KCNQ1: variants seen among roughly 807,000 people sequenced by gnomAD.
KCNQ1 encodes potassium voltage-gated channel subfamily Q member 1.
A neutral mutation model predicts 72.4 loss-of-function variants in KCNQ1; 49 were observed. That is an observed-to-expected ratio of 0.68 (90% CI 0.54 to 0.86). The LOEUF (loss-of-function observed/expected upper bound fraction) is 0.86, where lower values mean the gene tolerates loss of function less well. Among genes scored for constraint, KCNQ1 ranks in the 40% least tolerant of loss-of-function variants. The pLI is 0.00. For missense variants in KCNQ1, 790 were observed against 945.1 expected, an observed-to-expected ratio of 0.84 and a Z score of 2.15; for synonymous variants, 450 against 412.6, an observed-to-expected ratio of 1.09 and a Z score of -1.10.
chr11:2,761,239 G>A (rs911634846), intron 11 of KCNQ1, among the ~76,000 whole-genome samples: 1 of 151,906 alleles, frequency 6.6e-6, no homozygotes, highest in Admixed American at 6.6e-5. Context: ...ACCCTTCATC[G>A]TTCCTCCGGT....
At chr11:2,778,118 C>A (rs1187742728) in intron 15 of KCNQ1, 81 bp downstream of exon 15, 2 of 1,364,214 alleles carry the variant, frequency 1.5e-6, no homozygotes, top group Non-Finnish European at 1.0e-6. Context: ...TGCGTGTGAA[C>A]GTGAAGCTCC....
At chr11:2,604,052 A>T (rs2133780585) in intron 10 of KCNQ1, among the ~76,000 whole-genome samples, 1 of 152,270 alleles carries the variant, frequency 6.6e-6, no homozygotes, top group East Asian at 1.9e-4. Context: ...ATGAATAAAC[A>T]TTTTGTTTAT....
chr11:2,661,973 C>G lies in KCNQ1; in HGVS notation c.1406C>G (p.Pro469Arg). The part of the protein sequence containing the change: ...DGYDSSVRKS[P>R]TLLEVSMPHF... ...ACTTTCTCCTCAGTAAGGAAGAGCC[C>G]AACACTGCTGGAAGTGAGCATGCCC... is the stretch of plus-strand genomic sequence containing the variant. Residue 469 changes from proline (P) to arginine (R), a missense_variant, in exon 11 of 16, where the codon CCA becomes CGA. Transcript: ENST00000155840. The surrounding 1 kb of genome is among the most constrained non-coding windows in gnomAD (Gnocchi z 5.9). The G allele has an allele frequency of 6.2e-7, 1 of 1,614,192 alleles. No individual in the cohort carries two copies. Among genetic ancestry groups the G allele is most frequent in the Non-Finnish European group, 8.5e-7 (1 of 1,180,040 alleles).
intron 11 of KCNQ1, among the ~76,000 whole-genome samples, chr11:2,742,705 A>T (rs1462063370): frequency 6.6e-6 from 1 of 152,140 alleles, no homozygotes; most frequent in Non-Finnish European, 1.5e-5. Flanking sequence ...CCTCGGAGAG[A>T]AGGAGGCCTT....
intron 1 of KCNQ1, among the ~76,000 whole-genome samples, chr11:2,499,639 A>G (rs896693987): frequency 2.6e-5 from 4 of 152,174 alleles, no homozygotes; most frequent in Non-Finnish European, 5.9e-5. Context: ...CCGTGCCAAT[A>G]GAAACCAGAA....
At position 2,772,859 on chromosome 11, in the gene KCNQ1, A is replaced by G. The variant is rs1846624707; in HGVS notation, c.1591-3101A>G. 6.6e-6 allele frequency among the ~76,000 whole-genome samples: 1 copy of G among 151,926 alleles called. No homozygotes were observed. Among genetic ancestry groups the G allele is most frequent in the East Asian group, 1.9e-4 (1 of 5,176 alleles). ...GTTTTCCCCTGCCCTGCCTCCCTTC[A>G]CCTGCCCACACCGCACCCAGATGGC... On this transcript the variant is annotated intron_variant, in intron 12 of 15. Transcript: ENST00000155840. The surrounding 1 kb of genome is among the most constrained non-coding windows in gnomAD (Gnocchi z 6.6).
At chr11:2,523,006 A>T (rs2283151) in intron 1 of KCNQ1, among the ~76,000 whole-genome samples, 1 of 151,932 alleles carries the variant, frequency 6.6e-6, no homozygotes, top group South Asian at 2.1e-4. Flanking sequence ...TATCTGAGCC[A>T]GCTGTGTCTC....
chr11:2,529,227 C>T (rs1489613574), intron 2 of KCNQ1, among the ~76,000 whole-genome samples: 2 of 152,212 alleles, frequency 1.3e-5, no homozygotes, highest in Non-Finnish European at 2.9e-5. Flanking sequence ...CACTGGTCTC[C>T]TGGACTTTTC....
rs1323991376 is a variant in KCNQ1 at position 2,608,159 on chromosome 11, CTT to C, written c.1393+19306_1393+19307del. On this transcript the variant is annotated intron_variant, in intron 10 of 15. Transcript: ENST00000155840. This position sits in a 1 kb window ranked among gnomAD's most constrained non-coding sequence, Gnocchi z 4.6. Reference sequence around the variant, plus strand: ...AATGTATTGGAAAAATTTTCCTTCTCTTCTATTTTTTTGTTGTTGGAAGAGGT... The same window carrying C: ...AATGTATTGGAAAAATTTTCCTTCTCCTATTTTTTTGTTGTTGGAAGAGGT... 6.6e-6 allele frequency among the ~76,000 whole-genome samples: 1 copy of C among 151,962 alleles called. No individual in the cohort carries two copies. The highest frequency in any genetic ancestry group is 2.4e-5 in the African/African-American group (1 of 41,388).
chr11:2,717,824 C>T (rs1434716485), intron 11 of KCNQ1, among the ~76,000 whole-genome samples: 11 of 152,176 alleles, frequency 7.2e-5, no homozygotes, highest in Non-Finnish European at 1.5e-4. Flanking sequence ...ACACGCCTGT[C>T]CAAGACCTTG....
Position 2,651,219 on chromosome 11 carries a change from G to T in KCNQ1, c.1394-10742G>T, listed in dbSNP as rs1422567593. The T allele has an allele frequency of 5.0e-6, 2 of 398,540 alleles. No homozygotes were observed. Among genetic ancestry groups the T allele is most frequent in the East Asian group, 7.1e-5 (2 of 28,092 alleles). 24.7% of individuals were successfully genotyped at this position (398,540 alleles called of 1,614,324 possible). On this transcript the variant is annotated intron_variant, in intron 10 of 15. Coordinates refer to ENST00000155840, the MANE Select transcript of KCNQ1 (RefSeq NM_000218.3). This position sits in a 1 kb window ranked among gnomAD's most constrained non-coding sequence, Gnocchi z 6.1. Reference sequence around the variant, plus strand: ...CTTCCTGTCACCCTGTCTTGTGTCAGTCTCACAGCACACACAGCTTAATTC... The same window carrying T: ...CTTCCTGTCACCCTGTCTTGTGTCATTCTCACAGCACACACAGCTTAATTC...
At chr11:2,604,503 A>G (rs565761589) in intron 10 of KCNQ1, among the ~76,000 whole-genome samples, 1 of 152,098 alleles carries the variant, frequency 6.6e-6, no homozygotes, top group Non-Finnish European at 1.5e-5. Context: ...GGAAGAAAAG[A>G]AAGAGATATG....
At chr11:2,614,446 G>T (rs1849028393) in intron 10 of KCNQ1, 2 of 398,270 alleles carry the variant, frequency 5.0e-6, no homozygotes, top group East Asian at 3.6e-5. Flanking sequence ...TCTTTTCTAA[G>T]AATTTATTTC....
At position 2,653,535 on chromosome 11, in the gene KCNQ1, C is replaced by G. The variant is rs1849790234; in HGVS notation, c.1394-8426C>G. 7.5e-6 allele frequency: 3 copies of G among 398,894 alleles called. No individual in the cohort carries two copies. Among genetic ancestry groups the G allele is most frequent in the Admixed American group, 4.4e-5 (1 of 22,740 alleles). 24.7% of individuals were successfully genotyped at this position (398,894 alleles called of 1,614,324 possible). A position where few individuals can be genotyped will look rare whatever the true frequency, so the allele number is the denominator to read the frequency against. On this transcript the variant is annotated intron_variant, in intron 10 of 15. Coordinates refer to ENST00000155840, the MANE Select transcript of KCNQ1 (RefSeq NM_000218.3). This position sits in a 1 kb window ranked among gnomAD's most constrained non-coding sequence, Gnocchi z 5.3. The stretch of plus-strand genomic sequence containing the variant: ...CTTGCTCACTTGCTCTCACTCTCCC[C>G]TCTTGCACTCCCCTTCTCCCTTCCC...
chr11:2,552,699 T>G (rs189010524), intron 2 of KCNQ1, among the ~76,000 whole-genome samples: 21 of 147,664 alleles, frequency 1.4e-4, no homozygotes, highest in African/African-American at 4.7e-4. Flanking sequence ...ACACGGTCTC[T>G]CTCCCCAGTG....
chr11:2,659,496 G>A lies in KCNQ1; in HGVS notation c.1394-2465G>A. ...GCATGAATATATACATTTTGTTTAT[G>A]CATTCACCTGTTGAAGGACATCTTC... On this transcript the variant is annotated intron_variant, in intron 10 of 15. Transcript: ENST00000155840. This position sits in a 1 kb window ranked among gnomAD's most constrained non-coding sequence, Gnocchi z 4.3. 2.5e-6 allele frequency: 1 copy of A among 398,500 alleles called. No individual in the cohort carries two copies. The highest frequency in any genetic ancestry group is 3.6e-5 in the East Asian group (1 of 28,050). The allele number at this position is 398,500 out of a possible 1,614,324, so 24.7% of individuals were successfully genotyped here.
In KCNQ1 at chr11:2,536,862, T is replaced by C. The variant is rs566806238; in HGVS notation, c.477+8844T>C. Among the ~76,000 whole-genome samples the C allele has an allele frequency of 1.3e-5, 2 of 152,176 alleles. No homozygotes were observed. Among genetic ancestry groups the C allele is most frequent in the East Asian group, 3.9e-4 (2 of 5,178 alleles). On this transcript the variant is annotated intron_variant, in intron 2 of 15. Coordinates refer to ENST00000155840, the MANE Select transcript of KCNQ1 (RefSeq NM_000218.3). The surrounding 1 kb of genome is among the most constrained non-coding windows in gnomAD (Gnocchi z 7.4). Reference sequence around the variant, plus strand: ...CAGGTGTGGGCAGGGCTGGTTCTTCTGAGGCCCCTCCCGGCTTCTGAGGGT... The same window carrying C: ...CAGGTGTGGGCAGGGCTGGTTCTTCCGAGGCCCCTCCCGGCTTCTGAGGGT...
At chr11:2,731,527 G>A (rs779767193) in intron 11 of KCNQ1, among the ~76,000 whole-genome samples, 26 of 152,238 alleles carry the variant, frequency 1.7e-4, no homozygotes, top group African/African-American at 5.5e-4. Flanking sequence ...CAGGAGGTGC[G>A]GCTCCAGGTT....
At chr11:2,503,203 G>A (rs1482260778) in intron 1 of KCNQ1, among the ~76,000 whole-genome samples, 3 of 152,160 alleles carry the variant, frequency 2.0e-5, no homozygotes, top group Non-Finnish European at 4.4e-5. Flanking sequence ...AAGTTAAAAA[G>A]CTTCTGCACA....
Sources: gnomAD v4.1 joint callset for allele counts (sites outside exome capture counted in the v4.1 genomes callset) on GRCh38, gnomAD v4.1.1 for gene constraint, Gnocchi (gnomAD v3.1) non-coding constraint, MANE v1.5 for transcripts, NCBI Gene and HGNC (gene_info 2026-07-23, HGNC 2026-07-21) for gene names.